TAB2: variants seen among roughly 807,000 people sequenced by gnomAD.
TAB2 encodes the protein TGF-beta activated kinase 1 (MAP3K7) binding protein 2.
Under a neutral mutation model 65.0 loss-of-function variants are expected in TAB2, and 3 were observed. The observed-to-expected ratio is 0.05, with a 90% confidence interval of 0.02 to 0.12. The LOEUF is 0.12. TAB2 is among the 10% of genes least tolerant of loss of function. The pLI, the probability that TAB2 is intolerant of heterozygous loss-of-function variation, is 1.00. For synonymous variants in TAB2, 298 were observed against 285.1 expected (o/e 1.05, Z -0.46); for missense variants, 623 against 840.3 (o/e 0.74, Z 3.20).
intron 1 of TAB2, among the ~76,000 whole-genome samples, chr6:149,356,894 C>A (rs1780671298): frequency 6.6e-6 from 1 of 152,166 alleles, no homozygotes; most frequent in Admixed American, 6.5e-5. Context: ...TAATTTGCTA[C>A]AAACAGACTT....
Position 149,378,824 on chromosome 6 carries a change from C to G in TAB2, c.909C>G (p.Ser303Arg), listed in dbSNP as rs769244236. Residue 303 changes from serine to arginine, a missense_variant, in exon 3 of 7, where the codon AGC (serine) becomes AGG (arginine). Ser to Arg is a moderately radical substitution (Grantham distance 110). Around this residue, in one of 3 missense-constraint regions of TAB2, gnomAD observed 550 missense variants for 665.7 expected, o/e 0.83. Coordinates refer to ENST00000637181, the MANE Select transcript of TAB2 (RefSeq NM_001292034.3). ...SQPPTIHSSG[S>R]SQSSAHSQYN... Reference sequence around the variant, plus strand: ...CACCAACCATTCATTCATCTGGTAGCTCACAGTCTTCTGCCCATAGCCAAT... The same window carrying G: ...CACCAACCATTCATTCATCTGGTAGGTCACAGTCTTCTGCCCATAGCCAAT... The G allele has an allele frequency of 1.2e-6, 2 of 1,614,160 alleles. No individual in the cohort carries two copies. Among genetic ancestry groups the G allele is most frequent in the East Asian group, 2.2e-5 (1 of 44,888 alleles).
At position 149,410,136 on chromosome 6, in the gene TAB2, A is replaced by C; in HGVS notation, c.*417A>C. 1 of 222,244 alleles carries C rather than the reference A, an allele frequency of 4.5e-6. No homozygotes were observed. The highest frequency in any genetic ancestry group is 9.1e-6 in the Non-Finnish European group (1 of 110,480). The allele number at this position is 222,244 out of a possible 1,614,324, so 13.8% of individuals were successfully genotyped here. ...AGTGAAACACTACATACACGAAGAA[A>C]AGGAACAAGGTTTAACTATTTAAGA... On this transcript the variant is annotated 3_prime_UTR_variant, in exon 7 of 7. Transcript: ENST00000637181.
chr6:149,287,225 A>C (rs1055919216), intron 1 of TAB2, among the ~76,000 whole-genome samples: 1 of 152,230 alleles, frequency 6.6e-6, no homozygotes, highest in Admixed American at 6.5e-5. Flanking sequence ...TATTGACATG[A>C]GTCAACAGGT....
intron 1 of TAB2, among the ~76,000 whole-genome samples, chr6:149,251,672 G>T (rs146481345): frequency 3.7e-4 from 57 of 152,242 alleles, no homozygotes; most frequent in Non-Finnish European, 4.6e-4. Context: ...CAGGAGAATG[G>T]TCTCCCCACA....
At chr6:149,397,848 T>C in intron 4 of TAB2, 84 bp downstream of exon 4, 2 of 1,586,820 alleles carry the variant, frequency 1.3e-6, no homozygotes, top group East Asian at 4.5e-5. Flanking sequence ...CTATCTAGTT[T>C]TCTTCAGATG....
At chr6:149,289,580 C>A (rs1488200572) in intron 1 of TAB2, among the ~76,000 whole-genome samples, 1 of 152,222 alleles carries the variant, frequency 6.6e-6, no homozygotes, top group Non-Finnish European at 1.5e-5. Flanking sequence ...CATTTTCCAA[C>A]TCTCTCTTCA....
At chr6:149,230,866 T>C (rs1418962257) in intron 1 of TAB2, among the ~76,000 whole-genome samples, 1 of 152,226 alleles carries the variant, frequency 6.6e-6, no homozygotes, top group African/African-American at 2.4e-5. Flanking sequence ...TATTTTTCTA[T>C]GGTCAGGCTG....
intron 1 of TAB2, among the ~76,000 whole-genome samples, chr6:149,320,844 A>C (rs921020127): frequency 7.9e-5 from 12 of 152,252 alleles, no homozygotes; most frequent in Non-Finnish European, 1.5e-4. Context: ...ATTCCATTAT[A>C]TCTCTCTCTG....
chr6:149,359,309 C>T (rs932873015), intron 1 of TAB2, among the ~76,000 whole-genome samples: 1 of 152,198 alleles, frequency 6.6e-6, no homozygotes. Flanking sequence ...CCTATGGTAT[C>T]ACCAGCCTCA....
chr6:149,240,571 T>TCA (rs1777579167), intron 1 of TAB2, among the ~76,000 whole-genome samples: 1 of 152,050 alleles, frequency 6.6e-6, no homozygotes, highest in Non-Finnish European at 1.5e-5. Flanking sequence ...ATCATCATCA[T>TCA]TATAAAAGGA....
chr6:149,382,297 A>G (rs1378583652), intron 3 of TAB2, among the ~76,000 whole-genome samples: 1 of 152,212 alleles, frequency 6.6e-6, no homozygotes, highest in Non-Finnish European at 1.5e-5. Context: ...CAAGTGGCAG[A>G]GTCAAAATTC....
intron 1 of TAB2, among the ~76,000 whole-genome samples, chr6:149,281,226 T>C (rs894980637): frequency 6.6e-6 from 1 of 152,090 alleles, no homozygotes; most frequent in Non-Finnish European, 1.5e-5. Flanking sequence ...ATAACAATAA[T>C]GGCAGAAAGA....
At chr6:149,245,920 C>T (rs922027811) in intron 1 of TAB2, among the ~76,000 whole-genome samples, 4 of 152,028 alleles carry the variant, frequency 2.6e-5, no homozygotes, top group African/African-American at 9.7e-5. Context: ...ATTATACAGT[C>T]GTTACTGGAC....
At chr6:149,337,063 A>G (rs1483924487) in intron 1 of TAB2, among the ~76,000 whole-genome samples, 1 of 152,176 alleles carries the variant, frequency 6.6e-6, no homozygotes, top group Non-Finnish European at 1.5e-5. Context: ...AAAAGCACAG[A>G]TATTTTCAGA....
At chr6:149,312,492 A>G (rs1470206511) in intron 1 of TAB2, among the ~76,000 whole-genome samples, 3 of 152,160 alleles carry the variant, frequency 2.0e-5, no homozygotes, top group Non-Finnish European at 4.4e-5. Flanking sequence ...CCTCCTGAGT[A>G]GCTGGGATTA....
intron 1 of TAB2, among the ~76,000 whole-genome samples, chr6:149,344,241 T>C (rs1030945143): frequency 6.6e-6 from 1 of 152,224 alleles, no homozygotes; most frequent in Non-Finnish European, 1.5e-5. Flanking sequence ...GTCTTAGTTA[T>C]TTTCAGTGGT....
At chr6:149,403,442 A>G (rs1212232885) in intron 6 of TAB2, among the ~76,000 whole-genome samples, 1 of 150,884 alleles carries the variant, frequency 6.6e-6, no homozygotes, top group Non-Finnish European at 1.5e-5. Flanking sequence ...AATATAATCA[A>G]TGGAGAAAAC....
At chr6:149,380,055 C>T in intron 3 of TAB2, 1 of 412,480 alleles carries the variant, frequency 2.4e-6, no homozygotes, top group Non-Finnish European at 4.8e-6. Flanking sequence ...GCTGGGGCAA[C>T]ATATGGAGAC....
intron 1 of TAB2, among the ~76,000 whole-genome samples, chr6:149,218,975 G>T (rs1777081884): frequency 6.6e-6 from 1 of 152,138 alleles, no homozygotes; most frequent in Non-Finnish European, 1.5e-5. Flanking sequence ...GCAAAAAACA[G>T]ATTTAGAAAA....
Sources: allele counts gnomAD v4.1 joint callset (sites outside exome capture counted in the v4.1 genomes callset), GRCh38; gene constraint gnomAD v4.1.1; regional missense constraint gnomAD v4.1.1; transcripts MANE v1.5; gene names NCBI Gene and HGNC (gene_info 2026-07-23, HGNC 2026-07-21).